The following DLGAP1 variants were observed in gnomAD, a reference collection of about 807,000 sequenced individuals.
DLGAP1 encodes DLG associated protein 1, also known as disks large-associated protein 1.
DLGAP1 carries 11 observed loss-of-function variants against 90.8 expected under a neutral mutation model. That is an observed-to-expected ratio of 0.12 (90% CI 0.08 to 0.20). The LOEUF (loss-of-function observed/expected upper bound fraction) is 0.20, where lower values mean the gene tolerates loss of function less well. Among genes scored for constraint, DLGAP1 ranks in the 10% least tolerant of loss-of-function variants. The pLI is 1.00. For missense variants in DLGAP1, 1,050 were observed against 1,333.8 expected, an observed-to-expected ratio of 0.79 and a Z score of 3.31; for synonymous variants, 558 against 540.7, an observed-to-expected ratio of 1.03 and a Z score of -0.44.
chr18:3,976,229 A>AATAATAATAATAATTG (rs1447789134), intron 3 of DLGAP1, among the ~76,000 whole-genome samples: 3 of 149,600 alleles, frequency 2.0e-5, no homozygotes, highest in African/African-American at 7.4e-5. Flanking sequence ...AACGATAATT[A>AATAATAATAATAATTG]GCCAGGTGTG....
intron 1 of DLGAP1, among the ~76,000 whole-genome samples, chr18:4,154,226 A>ATTTT (rs555943126): frequency 2.3e-5 from 3 of 130,430 alleles, no homozygotes; most frequent in African/African-American, 8.4e-5. Flanking sequence ...ACACCCGGCT[A>ATTTT]TTTTTTTTTT....
chr18:4,151,328 C>A (rs2076671757), intron 1 of DLGAP1, 41 bp from the exon 2 acceptor site: 1 of 151,970 alleles, frequency 6.6e-6, no homozygotes, highest in African/African-American at 2.4e-5. Context: ...AATAACTAGC[C>A]TGAAACAAAA....
intron 4 of DLGAP1, among the ~76,000 whole-genome samples, chr18:3,855,976 T>C (rs1367377846): frequency 6.6e-6 from 1 of 152,158 alleles, no homozygotes; most frequent in Non-Finnish European, 1.5e-5. Flanking sequence ...GGATTCACAA[T>C]ACAGAAGAAT....
intron 2 of DLGAP1, among the ~76,000 whole-genome samples, chr18:4,080,122 AG>A (rs1209227922): frequency 1.3e-5 from 2 of 152,146 alleles, no homozygotes; most frequent in Non-Finnish European, 2.9e-5. Context: ...AAGAATATGA[AG>A]TGAGGGAAGG....
chr18:3,583,168 A>ACCAT (rs1555688539), intron 7 of DLGAP1, among the ~76,000 whole-genome samples: 5 of 126,994 alleles, frequency 3.9e-5, no homozygotes, highest in African/African-American at 1.5e-4. Context: ...CTACCTACCT[A>ACCAT]CCTACCTACC....
chr18:4,039,830 A>C (rs2074949044), intron 2 of DLGAP1, among the ~76,000 whole-genome samples: 1 of 152,210 alleles, frequency 6.6e-6, no homozygotes, highest in Non-Finnish European at 1.5e-5. Flanking sequence ...TACTAAATCA[A>C]ATTTGATAGA....
intron 1 of DLGAP1, among the ~76,000 whole-genome samples, chr18:4,262,010 T>A (rs573237307): frequency 6.6e-6 from 1 of 152,322 alleles, no homozygotes; most frequent in African/African-American, 2.4e-5. Flanking sequence ...TAAAAATGAT[T>A]TCATGATTGG....
At chr18:4,098,186 T>C (rs1489780469) in intron 2 of DLGAP1, among the ~76,000 whole-genome samples, 1 of 152,170 alleles carries the variant, frequency 6.6e-6, no homozygotes, top group Non-Finnish European at 1.5e-5. Flanking sequence ...ACTGCTGGGA[T>C]TACAGGCAGG....
intron 7 of DLGAP1, among the ~76,000 whole-genome samples, chr18:3,639,900 G>A (rs937275264): frequency 6.2e-5 from 9 of 144,828 alleles, no homozygotes; most frequent in South Asian, 2.2e-4. Flanking sequence ...GACTACAGGC[G>A]CCCGCCACCA....
At chr18:3,924,652 G>A (rs369659166) in intron 3 of DLGAP1, among the ~76,000 whole-genome samples, 1 of 152,168 alleles carries the variant, frequency 6.6e-6, no homozygotes, top group South Asian at 2.1e-4. Flanking sequence ...CATTGATGGT[G>A]ATGACACATA....
intron 5 of DLGAP1, among the ~76,000 whole-genome samples, chr18:3,793,332 C>T (rs1043315756): frequency 2.0e-5 from 3 of 152,092 alleles, no homozygotes; most frequent in Admixed American, 6.5e-5. Flanking sequence ...CTCACTGTCC[C>T]GGAGGGCTGT....
At chr18:4,261,339 C>T (rs1363101038) in intron 1 of DLGAP1, among the ~76,000 whole-genome samples, 2 of 152,150 alleles carry the variant, frequency 1.3e-5, no homozygotes, top group East Asian at 3.9e-4. Flanking sequence ...CTGGCTTCCC[C>T]CATCCTCTAG....
chr18:4,107,353 G>A (rs1339814234), intron 2 of DLGAP1, among the ~76,000 whole-genome samples: 1 of 152,222 alleles, frequency 6.6e-6, no homozygotes, highest in Admixed American at 6.5e-5. Context: ...TCTGGAAGCT[G>A]TCTTTTAGTA....
At chr18:3,559,719 T>C (rs1383940080) in intron 9 of DLGAP1, among the ~76,000 whole-genome samples, 1 of 149,940 alleles carries the variant, frequency 6.7e-6, no homozygotes, top group East Asian at 2.0e-4. Flanking sequence ...GCCTCCTGGG[T>C]TCAAGTGATT....
intron 1 of DLGAP1, among the ~76,000 whole-genome samples, chr18:4,316,402 T>A (rs899263772): frequency 1.3e-5 from 2 of 152,136 alleles, no homozygotes; most frequent in African/African-American, 4.8e-5. Flanking sequence ...CTGTCACATG[T>A]TTGATGGGGA....
intron 5 of DLGAP1, among the ~76,000 whole-genome samples, chr18:3,785,262 T>C (rs760155090): frequency 4.6e-5 from 7 of 152,222 alleles, no homozygotes; most frequent in Non-Finnish European, 7.3e-5. Flanking sequence ...TCTTAAGGGC[T>C]GCAGTCAAGG....
At chr18:4,290,965 C>A (rs1568493758) in intron 1 of DLGAP1, among the ~76,000 whole-genome samples, 2 of 152,092 alleles carry the variant, frequency 1.3e-5, no homozygotes, top group African/African-American at 4.8e-5. Context: ...TTTGATAACA[C>A]AAACTGAAAT....
chr18:4,368,030 T>A (rs1192458107), intron 1 of DLGAP1, among the ~76,000 whole-genome samples: 1 of 152,148 alleles, frequency 6.6e-6, no homozygotes, highest in Non-Finnish European at 1.5e-5. Context: ...ACATATGCAA[T>A]GCACACATTT....
At chr18:3,867,537 A>G (rs1486314873) in intron 4 of DLGAP1, among the ~76,000 whole-genome samples, 1 of 152,102 alleles carries the variant, frequency 6.6e-6, no homozygotes, top group Non-Finnish European at 1.5e-5. Flanking sequence ...TTGTGTCAGT[A>G]AGATCAGTGA....
Sources: allele counts gnomAD v4.1 joint callset (sites outside exome capture counted in the v4.1 genomes callset), GRCh38; gene constraint gnomAD v4.1.1; transcripts MANE v1.5; gene names NCBI Gene and HGNC (gene_info 2026-07-23, HGNC 2026-07-21).